Variants in ACYP2 observed in about 807,000 individuals in gnomAD.
The protein encoded by ACYP2 is acylphosphatase 2.
A neutral mutation model predicts 11.2 loss-of-function variants in ACYP2; 12 were observed. The ratio of observed to expected loss-of-function variants is 1.08; its 90% confidence interval spans 0.69 to 1.74. ACYP2 has a LOEUF of 1.74. Among genes scored for constraint, ACYP2 ranks in the 40% most tolerant of loss-of-function variants. ACYP2 has a pLI of 0.00. For synonymous variants in ACYP2, 43 were observed against 32.2 expected (o/e 1.33, Z -1.13); for missense variants, 134 against 101.9 (o/e 1.31, Z -1.35).
At chr2:54,003,114 A>G (rs1672880693) in intron 2 of ACYP2, among the ~76,000 whole-genome samples, 1 of 151,378 alleles carries the variant, frequency 6.6e-6, no homozygotes, top group African/African-American at 2.4e-5. Flanking sequence ...ATGCACAGCT[A>G]ATTTTTTTAT....
At chr2:54,091,249 C>A (rs1442502386) in intron 4 of ACYP2, among the ~76,000 whole-genome samples, 1 of 152,042 alleles carries the variant, frequency 6.6e-6, no homozygotes, top group Non-Finnish European at 1.5e-5. Flanking sequence ...CAGGGGAAAG[C>A]ATGTGTATAT....
rs576004221 is a variant in ACYP2, at chr2:54,027,902, C to T, written c.63-23056C>T. ...TTGTCCAGGCTGGAGTGCAGTGTCACGATCTCAGCTCACTGCTGCAACCTC... is the reference window on the plus strand; with the variant it reads ...TTGTCCAGGCTGGAGTGCAGTGTCATGATCTCAGCTCACTGCTGCAACCTC... On this transcript the variant is annotated intron_variant, in intron 2 of 6. Transcript: ENST00000607452. 1.4e-4 allele frequency among the ~76,000 whole-genome samples: 20 copies of T among 143,946 alleles called. 1 individual carries two copies. Among genetic ancestry groups the T allele is most frequent in the Non-Finnish European group, 1.9e-4 (13 of 66,824 alleles). 94.4% of individuals were successfully genotyped at this position (143,946 alleles called of 152,430 possible). A position where few individuals can be genotyped will look rare whatever the true frequency, so the allele number is the denominator to read the frequency against.
intron 6 of ACYP2, among the ~76,000 whole-genome samples, chr2:54,216,263 C>T (rs186382285): frequency 1.2e-4 from 18 of 152,126 alleles, no homozygotes; most frequent in East Asian, 5.8e-4. Flanking sequence ...TTTTGATTAT[C>T]GAGGGTTTAT....
chr2:54,165,535 T>TCTCTCA (rs1553383671), intron 6 of ACYP2, among the ~76,000 whole-genome samples: 1 of 128,852 alleles, frequency 7.8e-6, no homozygotes, highest in Non-Finnish European at 1.6e-5. Context: ...TCTCTCTCTC[T>TCTCTCA]CACACACACA....
chr2:53,992,845 A>AG (rs1435405808), intron 2 of ACYP2, among the ~76,000 whole-genome samples: 1 of 151,804 alleles, frequency 6.6e-6, no homozygotes, highest in Non-Finnish European at 1.5e-5. Context: ...AAAAAAAAAA[A>AG]AAGTTTTCCA....
At position 54,132,135 on chromosome 2, in the gene ACYP2, C is replaced by G. The variant is rs150676662; in HGVS notation, c.278-3318C>G. On this transcript the variant is annotated intron_variant, in intron 4 of 6. Transcript: ENST00000607452. ...TTCAGTCTACTTACTTGGTCAGTGT[C>G]TTACTGTGTTCTGGGATCCCCTTAC... Among the ~76,000 whole-genome samples, 73 of 152,048 alleles carry G rather than the reference C, an allele frequency of 4.8e-4. 1 individual carries two copies. Among genetic ancestry groups the G allele is most frequent in the African/African-American group, 1.3e-3 (53 of 41,442 alleles).
intron 2 of ACYP2, among the ~76,000 whole-genome samples, chr2:54,042,121 C>A (rs1226145017): frequency 6.6e-6 from 1 of 152,086 alleles, no homozygotes; most frequent in East Asian, 1.9e-4. Flanking sequence ...ATTCTCCTGC[C>A]TCAGCCTCCC....
At chr2:54,196,710 A>G (rs1442827639) in intron 6 of ACYP2, among the ~76,000 whole-genome samples, 2 of 151,702 alleles carry the variant, frequency 1.3e-5, no homozygotes, top group Admixed American at 6.6e-5. Flanking sequence ...AGTTGCAACT[A>G]GCAACCCCCA....
intron 4 of ACYP2, among the ~76,000 whole-genome samples, chr2:54,098,755 G>T (rs1039202322): frequency 3.4e-5 from 5 of 147,198 alleles, no homozygotes; most frequent in Admixed American, 1.4e-4. Context: ...TAAAGACAGG[G>T]TCTCACTCTG....
intron 4 of ACYP2, among the ~76,000 whole-genome samples, chr2:54,064,080 C>T (rs1048713265): frequency 6.6e-6 from 1 of 152,086 alleles, no homozygotes; most frequent in African/African-American, 2.4e-5. Flanking sequence ...AACTTGGGCT[C>T]AAGTGGTCCT....
Position 54,083,246 on chromosome 2 carries a change from G to A in ACYP2, c.277+25886G>A, listed in dbSNP as rs563274661. On this transcript the variant is annotated intron_variant, in intron 4 of 6. Transcript: ENST00000607452. ...GTCTGCTGCCACCCGCCAGGGGTCA[G>A]TTTGCGAATGATGTCTCTCTTGAGG... Among the ~76,000 whole-genome samples the A allele has an allele frequency of 1.4e-4, 22 of 152,292 alleles. No individual in the cohort carries two copies. In the South Asian group the frequency reaches 3.9e-3, roughly 27 times the overall value.
chr2:54,187,204 A>AC (rs1395285312), intron 6 of ACYP2, among the ~76,000 whole-genome samples: 24 of 152,294 alleles, frequency 1.6e-4, no homozygotes, highest in African/African-American at 5.5e-4. Context: ...AGAAGGAAGG[A>AC]AGAAAGGCTT....
intron 2 of ACYP2, among the ~76,000 whole-genome samples, chr2:54,044,051 C>G (rs1675384532): frequency 6.6e-6 from 1 of 152,066 alleles, no homozygotes; most frequent in African/African-American, 2.4e-5. Flanking sequence ...GTGGAAAGCC[C>G]CATCAAGGAC....
rs574355299 is a variant in ACYP2 at position 54,174,501 on chromosome 2, T to C, written c.404+35753T>C. On this transcript the variant is annotated intron_variant, in intron 6 of 6. Coordinates refer to ENST00000607452, the MANE Select transcript of ACYP2 (RefSeq NM_001320586.2). ...ACAATTTGACTTCCTCTTTTCCTAA[T>C]TGGATACCCTTTATTTCTTTTTCTT... Among the ~76,000 whole-genome samples the C allele has an allele frequency of 4.7e-3, 714 of 152,330 alleles. 6 individuals carry two copies. Among genetic ancestry groups the C allele is most frequent in the African/African-American group, 0.016 (683 of 41,578 alleles).
chr2:54,215,966 G>A (rs1056677110), intron 6 of ACYP2, among the ~76,000 whole-genome samples: 18 of 152,078 alleles, frequency 1.2e-4, no homozygotes, highest in African/African-American at 4.1e-4. Flanking sequence ...TCTGCATTTG[G>A]GATCAGGCTG....
At chr2:54,011,595 A>C (rs1389833675) in intron 2 of ACYP2, among the ~76,000 whole-genome samples, 1 of 152,170 alleles carries the variant, frequency 6.6e-6, no homozygotes, top group African/African-American at 2.4e-5. Context: ...TTTTATTTCT[A>C]CTGATTGCCC....
chr2:54,102,096 T>A (rs1349000554), intron 4 of ACYP2, among the ~76,000 whole-genome samples: 1 of 152,176 alleles, frequency 6.6e-6, no homozygotes, highest in African/African-American at 2.4e-5. Context: ...CTCCCTCAAA[T>A]GTATATAATT....
chr2:54,239,508 AG>A (rs1198080624), intron 6 of ACYP2, among the ~76,000 whole-genome samples: 1 of 152,212 alleles, frequency 6.6e-6, no homozygotes, highest in African/African-American at 2.4e-5. Flanking sequence ...AAGGTTAAGG[AG>A]AAAAGCATGC....
chr2:54,236,885 A>G (rs1160459037), intron 6 of ACYP2, among the ~76,000 whole-genome samples: 2 of 152,158 alleles, frequency 1.3e-5, no homozygotes, highest in Non-Finnish European at 2.9e-5. Flanking sequence ...CTTAATAGAG[A>G]AGTTAAAGTT....
Sources: gnomAD v4.1 joint callset for allele counts (sites outside exome capture counted in the v4.1 genomes callset) on GRCh38, gnomAD v4.1.1 for gene constraint, MANE v1.5 for transcripts, NCBI Gene and HGNC (gene_info 2026-07-23, HGNC 2026-07-21) for gene names.